Variants in GALR1 observed in about 807,000 individuals in gnomAD.
GALR1 encodes galanin receptor type 1.
Under a neutral mutation model 17.9 loss-of-function variants are expected in GALR1, and 11 were observed. The observed-to-expected ratio is 0.62, with a 90% CI of 0.39 to 1.02. The LOEUF (loss-of-function observed/expected upper bound fraction) is 1.02, where lower values mean the gene tolerates loss of function less well. Ranked by LOEUF, GALR1 falls within the 50% of genes least tolerant of loss-of-function variation. GALR1 has a pLI of 0.01. For synonymous variants in GALR1, 206 were observed against 205.7 expected (o/e 1.00, Z -0.01); for missense variants, 441 against 456.9 (o/e 0.97, Z 0.32).
At chr18:77,259,912 T>C (rs1453204196) in intron 2 of GALR1, among the ~76,000 whole-genome samples, 5 of 151,940 alleles carry the variant, frequency 3.3e-5, no homozygotes, top group African/African-American at 1.2e-4. Flanking sequence ...AGACAGGAAC[T>C]GGGTTGGTCC....
intron 1 of GALR1, among the ~76,000 whole-genome samples, chr18:77,252,451 AT>A (rs1246237574): frequency 1.3e-5 from 2 of 152,246 alleles, no homozygotes; most frequent in African/African-American, 4.8e-5. Flanking sequence ...GTCACAAGGT[AT>A]TTTTATCAAC....
intron 2 of GALR1, among the ~76,000 whole-genome samples, chr18:77,259,393 G>T (rs947252653): frequency 7.0e-6 from 1 of 142,162 alleles, no homozygotes. Flanking sequence ...GTTGGTGTTG[G>T]TGGTGGTCAT....
Position 77,256,138 on chromosome 18 carries a change from C to T in GALR1, c.667-20C>T, listed in dbSNP as rs148935012. The T allele has an allele frequency of 1.3e-3, 1,943 of 1,519,238 alleles. 2 individuals are homozygous for T. Among genetic ancestry groups the T allele is most frequent in the Non-Finnish European group, 1.7e-3 (1,827 of 1,095,088 alleles). 94.1% of individuals were successfully genotyped at this position (1,519,238 alleles called of 1,614,324 possible). A position where few individuals can be genotyped will look rare whatever the true frequency, so the allele number is the denominator to read the frequency against. ...TATGAGAGGTGAGGCGAACTGATTT[C>T]AATAGTCTGTGTCTTTCAGGTCCTT... On this transcript the variant is annotated intron_variant, in intron 1 of 2. Coordinates refer to ENST00000299727, the MANE Select transcript of GALR1 (RefSeq NM_001480.4).
rs185297829 is a variant in GALR1 at position 77,261,263 on chromosome 18, C to T, written c.732+5040C>T. ...TAAAGATTTAGCACATAATTTTAAA[C>T]AATAATTTTTTCTCCATCAAAAGAT... On this transcript the variant is annotated intron_variant, in intron 2 of 2. Transcript: ENST00000299727. 5.6e-4 allele frequency among the ~76,000 whole-genome samples: 86 copies of T among 152,288 alleles called. 1 individual carries two copies. In the Middle Eastern group the frequency reaches 0.017, roughly 30 times the overall value.
intron 2 of GALR1, among the ~76,000 whole-genome samples, chr18:77,266,679 C>G (rs1241133633): frequency 6.6e-6 from 1 of 152,196 alleles, no homozygotes; most frequent in East Asian, 1.9e-4. Flanking sequence ...GAAAGGGAAG[C>G]AAACATGTCC....
In GALR1 at chr18:77,250,596, G is replaced by A. The variant is rs1484124846; in HGVS notation, c.48G>A (p.Pro16=). The change falls in exon 1 of 3, where the codon CCG becomes CCA. Residue 16 remains proline (P), a synonymous_variant. Coordinates refer to ENST00000299727, the MANE Select transcript of GALR1 (RefSeq NM_001480.4). ...GNLSEGNASW[P]EPPAPEPGPL... ...TCAGCGAGGGCAACGCGAGCTGGCCGGAGCCCCCCGCCCCGGAGCCCGGGC... is the reference window on the plus strand; with the variant it reads ...TCAGCGAGGGCAACGCGAGCTGGCCAGAGCCCCCCGCCCCGGAGCCCGGGC... 6.4e-7 allele frequency: 1 copy of A among 1,553,382 alleles called. No homozygotes were observed. The highest frequency in any genetic ancestry group is 8.7e-7 in the Non-Finnish European group (1 of 1,153,898).
chr18:77,254,572 G>A (rs1912544577), intron 1 of GALR1, among the ~76,000 whole-genome samples: 1 of 152,196 alleles, frequency 6.6e-6, no homozygotes, highest in African/African-American at 2.4e-5. Context: ...TGTGTCCTCA[G>A]TGACCAGTGT....
intron 2 of GALR1, among the ~76,000 whole-genome samples, chr18:77,266,743 C>A (rs1401519915): frequency 6.6e-6 from 1 of 152,200 alleles, no homozygotes; most frequent in African/African-American, 2.4e-5. Context: ...TCGGGGGAAA[C>A]CCCTTATAAA....
intron 1 of GALR1, 41 bp downstream of exon 1, chr18:77,251,255 G>A: frequency 6.4e-7 from 1 of 1,558,618 alleles, no homozygotes; most frequent in Non-Finnish European, 8.7e-7. Context: ...GAGGGAGGGC[G>A]GAGGGCCGGT....
chr18:77,251,754 G>C lies in GALR1; in HGVS notation c.666+540G>C, dbSNP rs528101579. 4.1e-4 allele frequency among the ~76,000 whole-genome samples: 63 copies of C among 152,278 alleles called. 1 individual carries two copies. The South Asian group carries it at 0.011, about 28-fold the overall frequency. On this transcript the variant is annotated intron_variant, in intron 1 of 2. Transcript: ENST00000299727. The stretch of plus-strand genomic sequence containing the variant: ...CCCGGGCTCTCAGCTGGCCGTGGCG[G>C]GGGGGACTCGCGGGGCGGCCCCTCT...
rs534095735 is a variant in GALR1 at position 77,276,432 on chromosome 18, G to A, written c.*7530G>A. On this transcript the variant is annotated 3_prime_UTR_variant, in exon 3 of 3. Transcript: ENST00000299727. The stretch of plus-strand genomic sequence containing the variant: ...ATGAGCTGGGCAGTTGAAAGTACCC[G>A]TGATGCTCTGGCCTTACCTTAGATC... 7.2e-5 allele frequency: 11 copies of A among 152,186 alleles called. No homozygotes were observed. Among genetic ancestry groups the A allele is most frequent in the Non-Finnish European group, 1.2e-4 (8 of 68,038 alleles). The allele number at this position is 152,186 out of a possible 1,614,324, so 9.4% of individuals were successfully genotyped here.
chr18:77,258,761 G>GT (rs1568141436), intron 2 of GALR1, among the ~76,000 whole-genome samples: 2 of 136,544 alleles, frequency 1.5e-5, no homozygotes, highest in African/African-American at 6.2e-5. Context: ...GGTGATGATG[G>GT]CAATTGTGAT....
Position 77,268,849 on chromosome 18 carries a change from G to T in GALR1, c.997G>T (p.Glu333Ter), listed in dbSNP as rs866904324. 2.5e-6 allele frequency: 4 copies of T among 1,613,646 alleles called. No individual in the cohort carries two copies. Among genetic ancestry groups the T allele is most frequent in the Non-Finnish European group, 3.4e-6 (4 of 1,179,756 alleles). Reference sequence around the variant, plus strand: ...AGATTCACACCTGAGTGATACTAAAGAAAGTAAAAGTCGAATAGACACCCC... The same window carrying T: ...AGATTCACACCTGAGTGATACTAAATAAAGTAAAAGTCGAATAGACACCCC... ...RKDSHLSDTK[E>*]SKSRIDTPPS... The change falls in exon 3 of 3, where the codon GAA becomes TAA. Residue 333 changes from glutamate to a stop codon, truncating the protein, a stop_gained. Coordinates refer to ENST00000299727, the MANE Select transcript of GALR1 (RefSeq NM_001480.4). LOFTEE classifies it high-confidence loss of function.
Position 77,261,043 on chromosome 18 carries a change from T to C in GALR1, c.732+4820T>C, listed in dbSNP as rs993134485. ...ATTCTCACCTTTTATTCAGTTCTTT[T>C]CTCCCCAGCCAAATTCCATTAGACA... On this transcript the variant is annotated intron_variant, in intron 2 of 2. Coordinates refer to ENST00000299727, the MANE Select transcript of GALR1 (RefSeq NM_001480.4). 6.6e-5 allele frequency among the ~76,000 whole-genome samples: 10 copies of C among 152,160 alleles called. No homozygotes were observed. In the South Asian group the frequency reaches 1.9e-3, roughly 28 times the overall value.
chr18:77,252,600 C>T (rs1054384409), intron 1 of GALR1, among the ~76,000 whole-genome samples: 3 of 152,042 alleles, frequency 2.0e-5, no homozygotes, highest in Non-Finnish European at 2.9e-5. Context: ...AATACAGTAC[C>T]ACTTTGGGAG....
intron 2 of GALR1, among the ~76,000 whole-genome samples, chr18:77,261,633 G>A (rs1912832283): frequency 6.6e-6 from 1 of 152,180 alleles, no homozygotes; most frequent in Non-Finnish European, 1.5e-5. Context: ...GTTACTTTCT[G>A]ATGTTTCCAT....
chr18:77,252,887 CCACCACCAT>C (rs1568138985), intron 1 of GALR1, among the ~76,000 whole-genome samples: 51 of 76,246 alleles, frequency 6.7e-4, no homozygotes, highest in East Asian at 2.7e-3. Context: ...ACCATCACCA[CCACCACCAT>C]CACCACCACC....
rs989386214 is a variant in GALR1, at chr18:77,269,019, G to A, written c.*117G>A. 43 of 795,706 alleles carry A rather than the reference G, an allele frequency of 5.4e-5. No individual in the cohort carries two copies. Among genetic ancestry groups the A allele is most frequent in the South Asian group, 3.6e-4 (20 of 55,866 alleles). 49.3% of individuals were successfully genotyped at this position (795,706 alleles called of 1,614,324 possible). ...TGTTATCTTAACAAGAATTCAAGTC[G>A]TTTTAATTAAATCCCACGTGTGTTA... On this transcript the variant is annotated 3_prime_UTR_variant, in exon 3 of 3. Transcript: ENST00000299727.
chr18:77,258,563 AGTGGGGGTGGTGGTGGTCATG>A (rs1912651000), intron 2 of GALR1, among the ~76,000 whole-genome samples: 2 of 15,526 alleles, frequency 1.3e-4, no homozygotes, highest in Admixed American at 8.6e-4. Flanking sequence ...TGGTGGTCAT[AGTGGGGGTGGTGGTGGTCATG>A]GTGGTGATGG....
Sources: gnomAD v4.1 joint callset for allele counts (sites outside exome capture counted in the v4.1 genomes callset) on GRCh38, gnomAD v4.1.1 for gene constraint, MANE v1.5 for transcripts, NCBI Gene and HGNC (gene_info 2026-07-23, HGNC 2026-07-21) for gene names.